The following LHFPL2 variants were observed in gnomAD, a reference collection of about 807,000 sequenced individuals.
The protein encoded by LHFPL2 is LHFPL tetraspan subfamily member 2, also known as LHFPL tetraspan subfamily member 2 protein.
Under a neutral mutation model 17.5 loss-of-function variants are expected in LHFPL2, and 7 were observed. That is an observed-to-expected ratio of 0.40 (90% CI 0.23 to 0.75). The LOEUF (loss-of-function observed/expected upper bound fraction) is 0.75. Among genes scored for constraint, LHFPL2 ranks in the 30% least tolerant of loss-of-function variants. The pLI is 0.37. For synonymous variants in LHFPL2, 134 were observed against 116.2 expected (o/e 1.15, Z -0.99); for missense variants, 241 against 294.8 (o/e 0.82, Z 1.34).
At chr5:78,535,856 A>G (rs758463339) in intron 3 of LHFPL2, among the ~76,000 whole-genome samples, 4 of 152,144 alleles carry the variant, frequency 2.6e-5, no homozygotes, top group Non-Finnish European at 5.9e-5. Flanking sequence ...ACACGAACTC[A>G]TAACAATCTA....
At chr5:78,544,578 T>A (rs1756212251) in intron 3 of LHFPL2, among the ~76,000 whole-genome samples, 1 of 152,178 alleles carries the variant, frequency 6.6e-6, no homozygotes, top group South Asian at 2.1e-4. Context: ...ATAGGATGTA[T>A]ATGTAGCAGT....
At chr5:78,618,046 A>G (rs1361140559) in intron 2 of LHFPL2, among the ~76,000 whole-genome samples, 1 of 152,070 alleles carries the variant, frequency 6.6e-6, no homozygotes, top group African/African-American at 2.4e-5. Flanking sequence ...CTACTAAAAA[A>G]TACAAAAATT....
intron 1 of LHFPL2, among the ~76,000 whole-genome samples, chr5:78,636,392 C>T (rs1745450974): frequency 6.6e-6 from 1 of 152,180 alleles, no homozygotes; most frequent in Non-Finnish European, 1.5e-5. Flanking sequence ...TAAGGAGCTA[C>T]TTCTATATCC....
rs1038628283 is a variant in LHFPL2 at position 78,542,474 on chromosome 5, C to T, written c.-186+22339G>A. Among the ~76,000 whole-genome samples the T allele has an allele frequency of 2.6e-5, 4 of 152,284 alleles. No individual in the cohort carries two copies. The East Asian group carries it at 5.8e-4, about 22-fold the overall frequency. ...CAGCTCTGCTGCTCTGCTTGCATCC[C>T]GGGGGCTGGGAGGCTCTGACAGAGC... On this transcript the variant is annotated intron_variant, in intron 3 of 4. Transcript: ENST00000380345.
chr5:78,578,585 G>GCACACACACACACACA (rs61127481), intron 2 of LHFPL2, among the ~76,000 whole-genome samples: 24 of 146,998 alleles, frequency 1.6e-4, no homozygotes, highest in Admixed American at 4.1e-4. Context: ...TTGCATATGT[G>GCACACACACACACACA]CACACACACA....
At chr5:78,541,950 A>G (rs1580790940) in intron 3 of LHFPL2, among the ~76,000 whole-genome samples, 1 of 152,206 alleles carries the variant, frequency 6.6e-6, no homozygotes, top group East Asian at 1.9e-4. Flanking sequence ...CACTTTAAAA[A>G]ATATCTTTCT....
chr5:78,632,013 G>A (rs190996881), intron 2 of LHFPL2, among the ~76,000 whole-genome samples: 200 of 152,080 alleles, frequency 1.3e-3, no homozygotes, highest in Middle Eastern at 0.01. Context: ...CTAAAGCACT[G>A]ACCTAAACAG....
intron 1 of LHFPL2, among the ~76,000 whole-genome samples, chr5:78,639,397 TACC>T: frequency 6.6e-6 from 1 of 152,164 alleles, no homozygotes; most frequent in Admixed American, 6.5e-5. Context: ...CACACCCACT[TACC>T]AAAAGGATTC....
chr5:78,562,634 CA>C (rs35163869), intron 3 of LHFPL2, among the ~76,000 whole-genome samples: 3,936 of 113,058 alleles, frequency 0.035, 138 homozygotes, highest in East Asian at 0.12. Context: ...GATTCCACCT[CA>C]AAAAAAAAAA....
intron 2 of LHFPL2, among the ~76,000 whole-genome samples, chr5:78,620,722 G>A (rs1350614212): frequency 6.6e-6 from 1 of 152,220 alleles, no homozygotes; most frequent in Non-Finnish European, 1.5e-5. Flanking sequence ...CACCCACAAT[G>A]CCACATGATC....
intron 2 of LHFPL2, among the ~76,000 whole-genome samples, chr5:78,571,129 A>C (rs554212975): frequency 6.6e-6 from 1 of 152,184 alleles, no homozygotes; most frequent in South Asian, 2.1e-4. Context: ...AGGTAAATGG[A>C]AATTGTCCTC....
rs375322098 is a variant in LHFPL2 at position 78,509,937 on chromosome 5, C to T, written c.277G>A (p.Ala93Thr). The T allele has an allele frequency of 6.2e-7, 1 of 1,613,768 alleles. No homozygotes were observed. The highest frequency in any genetic ancestry group is 1.1e-5 in the South Asian group (1 of 91,092). The change falls in exon 4 of 5, where the codon GCC (alanine) becomes ACC (threonine). Residue 93 changes from alanine to threonine, a missense_variant. Physicochemically the swap from Ala to Thr is moderately conservative, Grantham distance 58. Coordinates refer to ENST00000380345, the MANE Select transcript of LHFPL2 (RefSeq NM_005779.3). ...GPYAESFGEIASGFWQATAIF... is the reference protein window; with the variant it reads ...GPYAESFGEITSGFWQATAIF... ...GCTGTGGCCTGCCAGAAGCCGCTGG[C>T]GATCTCGCCGAAGCTCTCGGCGTAG...
intron 1 of LHFPL2, among the ~76,000 whole-genome samples, chr5:78,635,773 A>G (rs1404967737): frequency 2.6e-5 from 4 of 152,160 alleles, no homozygotes; most frequent in African/African-American, 9.7e-5. Context: ...ACTGCACTCC[A>G]GCCTGGGTGA....
At chr5:78,529,775 C>T (rs987981687) in intron 3 of LHFPL2, among the ~76,000 whole-genome samples, 3 of 152,216 alleles carry the variant, frequency 2.0e-5, no homozygotes, top group Admixed American at 2.0e-4. Flanking sequence ...AATCATCTGA[C>T]AGACTGAATC....
intron 4 of LHFPL2, among the ~76,000 whole-genome samples, chr5:78,508,149 A>T (rs1284665226): frequency 6.6e-6 from 1 of 152,182 alleles, no homozygotes; most frequent in Non-Finnish European, 1.5e-5. Context: ...AGCTTCACAG[A>T]ATCAAACTCT....
At chr5:78,531,059 C>A (rs1472346105) in intron 3 of LHFPL2, among the ~76,000 whole-genome samples, 21 of 152,166 alleles carry the variant, frequency 1.4e-4, no homozygotes, top group Non-Finnish European at 2.6e-4. Context: ...TAAGGGGGTG[C>A]AAAATGGTTT....
intron 4 of LHFPL2, among the ~76,000 whole-genome samples, chr5:78,508,638 C>T (rs1174114128): frequency 6.6e-6 from 1 of 152,178 alleles, no homozygotes; most frequent in Non-Finnish European, 1.5e-5. Flanking sequence ...GCTATGAGGC[C>T]AGCTAGAGTG....
chr5:78,600,228 C>G (rs550882555), intron 2 of LHFPL2, among the ~76,000 whole-genome samples: 1 of 151,206 alleles, frequency 6.6e-6, no homozygotes, highest in African/African-American at 2.4e-5. Flanking sequence ...TGTTGTCAAG[C>G]GAGCAAACTA....
intron 3 of LHFPL2, among the ~76,000 whole-genome samples, chr5:78,524,283 G>A (rs372672478): frequency 4.6e-4 from 70 of 152,254 alleles, no homozygotes; most frequent in African/African-American, 1.6e-3. Flanking sequence ...GACCCAATAA[G>A]CCCAAGACAC....
Sources: gnomAD v4.1 joint callset for allele counts (sites outside exome capture counted in the v4.1 genomes callset) on GRCh38, gnomAD v4.1.1 for gene constraint, MANE v1.5 for transcripts, NCBI Gene and HGNC (gene_info 2026-07-23, HGNC 2026-07-21) for gene names.